The following BBS9 variants were observed in gnomAD, a reference collection of about 807,000 sequenced individuals.
BBS9 encodes the protein Bardet-Biedl syndrome 9.
BBS9 carries 89 observed loss-of-function variants against 117.7 expected under a neutral mutation model. That is an observed-to-expected ratio of 0.76 (90% CI 0.64 to 0.90). The LOEUF (loss-of-function observed/expected upper bound fraction) is 0.90. Ranked by LOEUF, BBS9 falls within the 40% of genes least tolerant of loss-of-function variation. The probability of loss-of-function intolerance (pLI) is 0.00; values close to 1 mark genes in which losing one functional copy is unlikely to be tolerated. For synonymous variants in BBS9, 379 were observed against 370.9 expected (o/e 1.02, Z -0.25); for missense variants, 982 against 1,042.2 (o/e 0.94, Z 0.80).
chr7:33,467,863 G>A (rs552921908), intron 19 of BBS9, among the ~76,000 whole-genome samples: 1 of 152,208 alleles, frequency 6.6e-6, no homozygotes, highest in African/African-American at 2.4e-5. Context: ...ATGTGGGGGA[G>A]GAAGCAAGTG....
At chr7:33,338,204 AT>A (rs1476145437) in intron 10 of BBS9, among the ~76,000 whole-genome samples, 9 of 151,990 alleles carry the variant, frequency 5.9e-5, no homozygotes, top group Non-Finnish European at 1.3e-4. Context: ...ATTTAGTTTT[AT>A]TTCTGGGAAA....
chr7:33,439,083 T>C (rs1319184567), intron 19 of BBS9, among the ~76,000 whole-genome samples: 1 of 152,206 alleles, frequency 6.6e-6, no homozygotes, highest in Non-Finnish European at 1.5e-5. Flanking sequence ...TCAAGCTTTA[T>C]GGACCCTTCA....
At chr7:33,150,145 T>C (rs1002286905) in intron 2 of BBS9, among the ~76,000 whole-genome samples, 17 of 152,208 alleles carry the variant, frequency 1.1e-4, no homozygotes, top group African/African-American at 3.9e-4. Context: ...ACTTAAAGAA[T>C]CAGTCTCTGA....
intron 20 of BBS9, among the ~76,000 whole-genome samples, chr7:33,521,425 C>G (rs1848574614): frequency 6.6e-6 from 1 of 152,134 alleles, no homozygotes; most frequent in Non-Finnish European, 1.5e-5. Flanking sequence ...GCACACTGCT[C>G]TACCGTTGGT....
At chr7:33,268,898 G>A (rs893140703) in intron 7 of BBS9, among the ~76,000 whole-genome samples, 16 of 152,172 alleles carry the variant, frequency 1.1e-4, no homozygotes, top group South Asian at 4.1e-4. Context: ...ATGCTAGCCT[G>A]TTACAATATA....
chr7:33,592,824 G>A (rs959493850), intron 21 of BBS9, among the ~76,000 whole-genome samples: 1 of 152,136 alleles, frequency 6.6e-6, no homozygotes, highest in Non-Finnish European at 1.5e-5. Flanking sequence ...CTTGATGCAA[G>A]AGGGAAAGCT....
chr7:33,166,971 G>T (rs184399545), intron 4 of BBS9, among the ~76,000 whole-genome samples: 1 of 152,188 alleles, frequency 6.6e-6, no homozygotes, highest in Non-Finnish European at 1.5e-5. Context: ...TGTCAGTCAC[G>T]CTGGGAGCTG....
At chr7:33,219,282 C>T (rs1229197195) in intron 5 of BBS9, among the ~76,000 whole-genome samples, 1 of 152,200 alleles carries the variant, frequency 6.6e-6, no homozygotes, top group Non-Finnish European at 1.5e-5. Context: ...TCCTGTGCGG[C>T]CGAGCTTCCC....
At chr7:33,179,494 T>C (rs1797797999) in intron 5 of BBS9, among the ~76,000 whole-genome samples, 1 of 152,146 alleles carries the variant, frequency 6.6e-6, no homozygotes, top group Admixed American at 6.6e-5. Context: ...AACTCTATTG[T>C]GAACTGTGCA....
intron 20 of BBS9, among the ~76,000 whole-genome samples, chr7:33,529,533 C>T (rs16879168): frequency 0.042 from 6,323 of 152,194 alleles, 253 homozygotes; most frequent in East Asian, 0.24. Flanking sequence ...TTTCCAATAA[C>T]GACAAGGGCT....
At chr7:33,549,973 G>A (rs1172155739) in intron 21 of BBS9, among the ~76,000 whole-genome samples, 2 of 152,194 alleles carry the variant, frequency 1.3e-5, no homozygotes, top group South Asian at 2.1e-4. Flanking sequence ...CAAATATGAG[G>A]ATGAAAAAGT....
intron 21 of BBS9, among the ~76,000 whole-genome samples, chr7:33,594,571 A>G (rs1022063773): frequency 6.6e-6 from 1 of 152,166 alleles, no homozygotes; most frequent in Admixed American, 6.6e-5. Context: ...TGAGTTTGCA[A>G]CTGTAAAATT....
chr7:33,440,383 A>C (rs1835986574), intron 19 of BBS9, among the ~76,000 whole-genome samples: 1 of 152,082 alleles, frequency 6.6e-6, no homozygotes, highest in Admixed American at 6.5e-5. Context: ...AGTCATCCCT[A>C]TTTTCTTACT....
chr7:33,431,858 A>G (rs1834526360), intron 19 of BBS9, among the ~76,000 whole-genome samples: 2 of 152,174 alleles, frequency 1.3e-5, no homozygotes, highest in African/African-American at 4.8e-5. Context: ...CATACTTTGC[A>G]CTGCTTTGTA....
chr7:33,545,063 ACT>A (rs1853076706), intron 21 of BBS9, among the ~76,000 whole-genome samples: 1 of 151,864 alleles, frequency 6.6e-6, no homozygotes, highest in Non-Finnish European at 1.5e-5. Flanking sequence ...AACAGCCCCG[ACT>A]CTGTTTCTAG....
intron 18 of BBS9, among the ~76,000 whole-genome samples, chr7:33,385,757 A>T (rs1031682116): frequency 6.6e-6 from 1 of 152,086 alleles, no homozygotes; most frequent in Non-Finnish European, 1.5e-5. Context: ...AAATATTTTT[A>T]TTACAGGAAA....
chr7:33,292,521 A>C (rs12155105), intron 9 of BBS9, among the ~76,000 whole-genome samples: 125,927 of 152,088 alleles, frequency 0.83, 52,189 homozygotes, highest in Admixed American at 0.86. Flanking sequence ...CCCACCGCAC[A>C]CCATCTATTT....
intron 19 of BBS9, among the ~76,000 whole-genome samples, chr7:33,474,938 T>C (rs1200278065): frequency 6.6e-6 from 1 of 152,112 alleles, no homozygotes; most frequent in Non-Finnish European, 1.5e-5. Flanking sequence ...TGAGACTCCG[T>C]CTCAAACAAA....
intron 18 of BBS9, among the ~76,000 whole-genome samples, chr7:33,384,653 G>T (rs1424364621): frequency 1.3e-5 from 2 of 151,488 alleles, no homozygotes; most frequent in Non-Finnish European, 1.5e-5. Context: ...AGTAAGCATT[G>T]GTTCTTGGGA....
Sources: allele counts gnomAD v4.1 joint callset (sites outside exome capture counted in the v4.1 genomes callset), GRCh38; gene constraint gnomAD v4.1.1; transcripts MANE v1.5; gene names NCBI Gene and HGNC (gene_info 2026-07-23, HGNC 2026-07-21).